Variants in FBXO16 observed in about 807,000 individuals in gnomAD.
The protein encoded by FBXO16 is F-box protein 16.
In FBXO16, 31 loss-of-function variants were observed where a neutral mutation model predicts 41.0. The ratio of observed to expected loss-of-function variants is 0.76; its 90% CI spans 0.57 to 1.02. The LOEUF (loss-of-function observed/expected upper bound fraction) is 1.02, where lower values mean the gene tolerates loss of function less well. Ranked by LOEUF, FBXO16 falls within the 50% of genes least tolerant of loss-of-function variation. The pLI is 0.00. For missense variants in FBXO16, 361 were observed against 346.2 expected, an observed-to-expected ratio of 1.04 and a Z score of -0.34; for synonymous variants, 133 against 117.8, an observed-to-expected ratio of 1.13 and a Z score of -0.84.
At chr8:28,460,238 TATATA>T (rs1414734937) in intron 4 of FBXO16, among the ~76,000 whole-genome samples, 37 of 96,920 alleles carry the variant, frequency 3.8e-4, no homozygotes, top group African/African-American at 1.7e-3. Flanking sequence ...TATATATATA[TATATA>T]TATTTTTTTT....
In FBXO16 at chr8:28,430,685, T is replaced by A. The variant is rs1802592301; in HGVS notation, c.844-1282A>T. Reference sequence around the variant, plus strand: ...CAATGAAGATAAAAATAATACCTGTTGAATGGCCAGGCGCAGTGGCTCATG... The same window carrying A: ...CAATGAAGATAAAAATAATACCTGTAGAATGGCCAGGCGCAGTGGCTCATG... On this transcript the variant is annotated intron_variant, in intron 7 of 8. Coordinates refer to ENST00000380254, the MANE Select transcript of FBXO16 (RefSeq NM_172366.4). Among the ~76,000 whole-genome samples, 3 of 152,122 alleles carry A rather than the reference T, an allele frequency of 2.0e-5. No homozygotes were observed. In the East Asian group the frequency reaches 5.8e-4, roughly 29 times the overall value.
chr8:28,442,823 A>G (rs990991074), intron 7 of FBXO16, among the ~76,000 whole-genome samples: 3 of 152,182 alleles, frequency 2.0e-5, no homozygotes, highest in African/African-American at 7.2e-5. Context: ...TGAAACCTCA[A>G]ACTCATCAAA....
At chr8:28,430,498 C>T (rs1303665454) in intron 7 of FBXO16, among the ~76,000 whole-genome samples, 1 of 151,738 alleles carries the variant, frequency 6.6e-6, no homozygotes, top group Non-Finnish European at 1.5e-5. Context: ...TTGTTAGCAT[C>T]GAAAAGGAAA....
In FBXO16 at chr8:28,478,542, C is replaced by T. The variant is rs78097696; in HGVS notation, c.100-4735G>A. 3.1e-4 allele frequency among the ~76,000 whole-genome samples: 47 copies of T among 152,210 alleles called. 1 individual carries two copies. The East Asian group carries it at 7.5e-3, about 24-fold the overall frequency. On this transcript the variant is annotated intron_variant, in intron 2 of 8. Coordinates refer to ENST00000380254, the MANE Select transcript of FBXO16 (RefSeq NM_172366.4). ...AAATCTCATATCAAATTGTAATCCC[C>T]GGCTGGGCACAGTGACTCATGCCTA...
At chr8:28,482,193 C>A (rs569755424) in intron 2 of FBXO16, among the ~76,000 whole-genome samples, 63 of 152,284 alleles carry the variant, frequency 4.1e-4, no homozygotes, top group African/African-American at 1.5e-3. Flanking sequence ...CACAGGCTAA[C>A]TTATTAGCTT....
At chr8:28,436,118 G>A (rs181291857) in intron 7 of FBXO16, among the ~76,000 whole-genome samples, 16 of 152,226 alleles carry the variant, frequency 1.1e-4, no homozygotes, top group Admixed American at 5.2e-4. Flanking sequence ...CCTCCCTCGG[G>A]GGCCTTCTTC....
Position 28,428,423 on chromosome 8 carries a change from C to T in FBXO16, c.*304G>A, listed in dbSNP as rs1802558831. On this transcript the variant is annotated 3_prime_UTR_variant, in exon 9 of 9. Coordinates refer to ENST00000380254, the MANE Select transcript of FBXO16 (RefSeq NM_172366.4). ...TCTGTCCACATTTATGCCATGAATT[C>T]CTTTTTACTGAAATACCGTAGGACT... The T allele has an allele frequency of 1.2e-5, 9 of 751,594 alleles. No homozygotes were observed. In the South Asian group the frequency reaches 1.2e-4, roughly 10 times the overall value. 46.6% of individuals were successfully genotyped at this position (751,594 alleles called of 1,614,324 possible).
chr8:28,456,639 G>GA, intron 5 of FBXO16, 127 bp downstream of exon 5: 1 of 1,071,764 alleles, frequency 9.3e-7, no homozygotes, highest in Middle Eastern at 3.3e-4. Context: ...GGAGAATTTT[G>GA]AAATCATAGT....
At chr8:28,476,731 G>C (rs577042044) in intron 2 of FBXO16, among the ~76,000 whole-genome samples, 17 of 152,186 alleles carry the variant, frequency 1.1e-4, no homozygotes, top group African/African-American at 4.1e-4. Flanking sequence ...GAGATATTTA[G>C]GGGCCCCTAA....
chr8:28,474,428 A>T (rs1168093750), intron 2 of FBXO16, among the ~76,000 whole-genome samples: 14 of 151,670 alleles, frequency 9.2e-5, no homozygotes, highest in Admixed American at 9.2e-4. Flanking sequence ...AAGAAATTTT[A>T]AAAATGGAAT....
chr8:28,466,214 G>A (rs1585911550), intron 3 of FBXO16, among the ~76,000 whole-genome samples: 1 of 151,906 alleles, frequency 6.6e-6, no homozygotes, highest in Non-Finnish European at 1.5e-5. Flanking sequence ...GGCAACAAGA[G>A]CAAAAACTCC....
chr8:28,472,205 C>T lies in FBXO16; in HGVS notation c.135+1567G>A, dbSNP rs1419178798. Among the ~76,000 whole-genome samples the T allele has an allele frequency of 6.6e-5, 10 of 152,292 alleles. No homozygotes were observed. The East Asian group carries it at 1.7e-3, about 26-fold the overall frequency. On this transcript the variant is annotated intron_variant, in intron 3 of 8. Coordinates refer to ENST00000380254, the MANE Select transcript of FBXO16 (RefSeq NM_172366.4). ...TCCTGGGCTCAAGCAATCCTCCTGC[C>T]TTACCCATCCCAAGTAGCTGGGACT... is the stretch of plus-strand genomic sequence containing the variant.
chr8:28,477,507 G>A (rs139336322), intron 2 of FBXO16, among the ~76,000 whole-genome samples: 1 of 152,288 alleles, frequency 6.6e-6, no homozygotes, highest in East Asian at 1.9e-4. Flanking sequence ...AACTGGTACA[G>A]CTGATTTGAA....
At chr8:28,479,010 C>T (rs1427764434) in intron 2 of FBXO16, among the ~76,000 whole-genome samples, 1 of 152,074 alleles carries the variant, frequency 6.6e-6, no homozygotes, top group Non-Finnish European at 1.5e-5. Flanking sequence ...ACTCTTCCTC[C>T]TGCTCCTGCC....
chr8:28,481,539 C>T (rs963892364), intron 2 of FBXO16, among the ~76,000 whole-genome samples: 2 of 152,026 alleles, frequency 1.3e-5, no homozygotes, highest in Non-Finnish European at 2.9e-5. Flanking sequence ...GTGGCGAGTG[C>T]GGTGGCTCAC....
rs1003716397 is a variant in FBXO16, at chr8:28,428,518, T to C, written c.*209A>G. ...GCCAAGTAAATTCAGCTCTCCACTG[T>C]GCAAAGCATCTTGTCATTTCTATAA... On this transcript the variant is annotated 3_prime_UTR_variant, in exon 9 of 9. Transcript: ENST00000380254. 74 of 1,524,478 alleles carry C rather than the reference T, an allele frequency of 4.9e-5. No homozygotes were observed. In the African/African-American group the frequency reaches 8.1e-4, roughly 17 times the overall value. 94.4% of individuals were successfully genotyped at this position (1,524,478 alleles called of 1,614,324 possible).
intron 2 of FBXO16, among the ~76,000 whole-genome samples, chr8:28,476,542 G>A (rs1007961574): frequency 1.3e-5 from 2 of 152,138 alleles, no homozygotes; most frequent in African/African-American, 4.8e-5. Context: ...GGAAAACAAA[G>A]TATTTCTTCC....
chr8:28,430,368 C>T (rs1267432228), intron 7 of FBXO16, among the ~76,000 whole-genome samples: 1 of 152,188 alleles, frequency 6.6e-6, no homozygotes, highest in African/African-American at 2.4e-5. Context: ...CCCACTGTGC[C>T]CGGCCAAAGC....
chr8:28,451,657 C>G (rs1585901035), intron 6 of FBXO16, among the ~76,000 whole-genome samples: 1 of 151,840 alleles, frequency 6.6e-6, no homozygotes, highest in Non-Finnish European at 1.5e-5. Context: ...CTAGAATGAA[C>G]CCTTTGGTGC....
Sources: allele counts gnomAD v4.1 joint callset (sites outside exome capture counted in the v4.1 genomes callset), GRCh38; gene constraint gnomAD v4.1.1; transcripts MANE v1.5; gene names NCBI Gene and HGNC (gene_info 2026-07-23, HGNC 2026-07-21).